The following PRSS23 variants were observed in gnomAD, a reference collection of about 807,000 sequenced individuals.
PRSS23 encodes the protein protease, serine 23.
A neutral mutation model predicts 34.7 loss-of-function variants in PRSS23; 25 were observed. The ratio of observed to expected loss-of-function variants is 0.72; its 90% CI spans 0.53 to 1.01. The LOEUF (loss-of-function observed/expected upper bound fraction) is 1.01, where lower values mean the gene tolerates loss of function less well. PRSS23 is among the 50% of genes least tolerant of loss of function. The probability of loss-of-function intolerance (pLI) is 0.00; values close to 1 mark genes in which losing one functional copy is unlikely to be tolerated. For synonymous variants in PRSS23, 176 were observed against 186.6 expected, an observed-to-expected ratio of 0.94 and a Z score of 0.46; for missense variants, 445 against 475.6, an observed-to-expected ratio of 0.94 and a Z score of 0.60.
At chr11:86,924,291 A>G (rs1285992250) in intron 2 of PRSS23, among the ~76,000 whole-genome samples, 1 of 152,154 alleles carries the variant, frequency 6.6e-6, no homozygotes, top group Non-Finnish European at 1.5e-5. Flanking sequence ...CTGGGAAAGG[A>G]ACAGGGAATG....
intron 2 of PRSS23, among the ~76,000 whole-genome samples, chr11:86,849,678 G>A (rs748867527): frequency 2.6e-5 from 4 of 152,250 alleles, no homozygotes; most frequent in South Asian, 2.1e-4. Flanking sequence ...AATAGTCAAC[G>A]GAGACTATTG....
At chr11:86,854,703 G>A (rs1045352761) in intron 2 of PRSS23, among the ~76,000 whole-genome samples, 8 of 152,180 alleles carry the variant, frequency 5.3e-5, no homozygotes, top group Admixed American at 6.5e-5. Flanking sequence ...GTGTGACATA[G>A]GGTCCACCTT....
intron 2 of PRSS23, among the ~76,000 whole-genome samples, chr11:86,844,390 A>G (rs749916865): frequency 5.8e-5 from 8 of 137,850 alleles, no homozygotes; most frequent in African/African-American, 1.2e-4. Flanking sequence ...GTGGACATGT[A>G]CCCTAGAACT....
chr11:86,864,599 T>A (rs966689403), intron 2 of PRSS23, among the ~76,000 whole-genome samples: 12 of 152,258 alleles, frequency 7.9e-5, no homozygotes, highest in Admixed American at 6.5e-4. Context: ...TTAGCAAAAT[T>A]TTCCAGGGTG....
At chr11:86,827,181 G>T (rs1016300658) in intron 2 of PRSS23, among the ~76,000 whole-genome samples, 12 of 152,142 alleles carry the variant, frequency 7.9e-5, no homozygotes, top group African/African-American at 2.7e-4. Context: ...GCCTGTTATT[G>T]GTCTATACAG....
intron 2 of PRSS23, among the ~76,000 whole-genome samples, chr11:86,825,552 G>A (rs1488970304): frequency 1.3e-5 from 2 of 150,932 alleles, no homozygotes; most frequent in Non-Finnish European, 3.0e-5. Context: ...TGAAGTCCTT[G>A]CCCATGCCTA....
At chr11:86,822,842 G>T (rs1030394232) in intron 1 of PRSS23, among the ~76,000 whole-genome samples, 1 of 152,144 alleles carries the variant, frequency 6.6e-6, no homozygotes, top group Non-Finnish European at 1.5e-5. Flanking sequence ...TGCAGCGTGG[G>T]CAAGGAGGGA....
rs1324566598 is a variant in PRSS23 at position 86,854,325 on chromosome 11, T to G, written c.206+30732T>G. On this transcript the variant is annotated intron_variant, in intron 2 of 2. Coordinates refer to the PRSS23 transcript ENST00000533902. ...GCTATATCTTCTTTAGGGACATGTCTACTCAAGTCTTCTGACCATTGTTAA... is the reference window on the plus strand; with the variant it reads ...GCTATATCTTCTTTAGGGACATGTCGACTCAAGTCTTCTGACCATTGTTAA... Among the ~76,000 whole-genome samples, 3 of 152,186 alleles carry G rather than the reference T, an allele frequency of 2.0e-5. No homozygotes were observed. The East Asian group carries it at 5.8e-4, about 29-fold the overall frequency.
chr11:86,826,144 C>G (rs1328045220), intron 2 of PRSS23, among the ~76,000 whole-genome samples: 1 of 151,950 alleles, frequency 6.6e-6, no homozygotes. Context: ...TTTGTATCCT[C>G]TTTTATTTCC....
intron 2 of PRSS23, among the ~76,000 whole-genome samples, chr11:86,834,553 T>TTCCTTTCCTTTCCTTTCC (rs1448602144): frequency 6.5e-4 from 53 of 80,992 alleles, no homozygotes; most frequent in South Asian, 2.2e-3. Context: ...TTCCTTTCCT[T>TTCCTTTCCTTTCCTTTCC]TTTCCTTTCC....
At chr11:86,827,574 A>C (rs1037803053) in intron 2 of PRSS23, among the ~76,000 whole-genome samples, 10 of 151,886 alleles carry the variant, frequency 6.6e-5, no homozygotes, top group East Asian at 1.9e-4. Context: ...TAGTTCTTTT[A>C]ATTGTGATGT....
rs1402060177 is a variant in PRSS23, at chr11:86,823,493, C to A, written c.106C>A (p.Pro36Thr). The A allele has an allele frequency of 8.5e-6, 6 of 702,404 alleles. No homozygotes were observed. In the Admixed American group the frequency reaches 1.2e-4, roughly 14 times the overall value. The allele number at this position is 702,404 out of a possible 1,614,324, so 43.5% of individuals were successfully genotyped here. The change falls in exon 2 of 3, where the codon CCT becomes ACT. Residue 36 changes from proline (P) to threonine (T), a missense_variant. Coordinates refer to the PRSS23 transcript ENST00000533902. Reference sequence around the variant, plus strand: ...TTCGAATTCAATTCAACCACCACCTCCTGAATACCAACTAGGTTCCAGGAC... The same window carrying A: ...TTCGAATTCAATTCAACCACCACCTACTGAATACCAACTAGGTTCCAGGAC...
At chr11:86,825,657 A>G (rs1302900147) in intron 2 of PRSS23, among the ~76,000 whole-genome samples, 3 of 151,842 alleles carry the variant, frequency 2.0e-5, no homozygotes, top group Non-Finnish European at 2.9e-5. Flanking sequence ...TGATTTTTGT[A>G]TAAGGTGTAA....
At chr11:86,914,934 A>C (rs550984720) in intron 2 of PRSS23, among the ~76,000 whole-genome samples, 52 of 152,370 alleles carry the variant, frequency 3.4e-4, no homozygotes, top group Middle Eastern at 3.4e-3. Context: ...CAAATGGGGC[A>C]CAAATAACCA....
At chr11:86,829,305 A>G (rs1658313126) in intron 2 of PRSS23, among the ~76,000 whole-genome samples, 1 of 152,072 alleles carries the variant, frequency 6.6e-6, no homozygotes, top group African/African-American at 2.4e-5. Flanking sequence ...AGGCTTCTGC[A>G]TTCTTCATGT....
chr11:86,858,257 G>A (rs752697314), intron 2 of PRSS23, among the ~76,000 whole-genome samples: 4 of 151,356 alleles, frequency 2.6e-5, no homozygotes, highest in South Asian at 2.1e-4. Flanking sequence ...CTCCAATATC[G>A]CACGGAATTT....
intron 2 of PRSS23, among the ~76,000 whole-genome samples, chr11:86,861,912 G>C (rs893534675): frequency 1.3e-5 from 2 of 151,904 alleles, no homozygotes; most frequent in Non-Finnish European, 2.9e-5. Context: ...GTAATATCCA[G>C]CGTGGAGAGG....
downstream of PRSS23, among the ~76,000 whole-genome samples, chr11:86,812,719 C>T (rs560707851): frequency 1.9e-4 from 28 of 145,490 alleles, no homozygotes; most frequent in African/African-American, 2.6e-4. Context: ...AACTAGGAGT[C>T]GGAGATTGCA....
intron 2 of PRSS23, among the ~76,000 whole-genome samples, chr11:86,920,170 C>T (rs1430213445): frequency 6.6e-6 from 1 of 152,166 alleles, no homozygotes; most frequent in Non-Finnish European, 1.5e-5. Context: ...TGTTTTCCAG[C>T]ACTCCTACGA....
Sources: allele counts gnomAD v4.1 joint callset (sites outside exome capture counted in the v4.1 genomes callset), GRCh38; gene constraint gnomAD v4.1.1; transcripts MANE v1.5; gene names NCBI Gene and HGNC (gene_info 2026-07-23, HGNC 2026-07-21).